The following IL6R variants were observed in gnomAD, a reference collection of about 807,000 sequenced individuals.
IL6R encodes interleukin-6 receptor subunit alpha.
In IL6R, 38 loss-of-function variants were observed where a neutral mutation model predicts 48.3. The observed-to-expected ratio is 0.79, with a 90% CI of 0.61 to 1.03. The LOEUF (loss-of-function observed/expected upper bound fraction) is 1.03. IL6R is among the 50% of genes least tolerant of loss of function. The probability of loss-of-function intolerance (pLI) is 0.00; values close to 1 mark genes in which losing one functional copy is unlikely to be tolerated. For synonymous variants in IL6R, 264 were observed against 256.2 expected (o/e 1.03, Z -0.29); for missense variants, 534 against 618.3 (o/e 0.86, Z 1.45).
At chr1:154,440,525 A>T (rs1297360156) in intron 6 of IL6R, among the ~76,000 whole-genome samples, 1 of 152,236 alleles carries the variant, frequency 6.6e-6, no homozygotes, top group Non-Finnish European at 1.5e-5. Flanking sequence ...ACCAGAGTGT[A>T]TAAGGGTTCC....
intron 6 of IL6R, among the ~76,000 whole-genome samples, chr1:154,439,817 C>G (rs1455731883): frequency 6.6e-6 from 1 of 152,198 alleles, no homozygotes; most frequent in East Asian, 1.9e-4. Context: ...TTTGACTACT[C>G]TAGTACTTCA....
chr1:154,405,529 G>GGCCCCCCCCC lies in IL6R; in HGVS notation c.-101_-100insGCCCCCCCCC. The GGCCCCCCCCC allele has an allele frequency of 2.6e-6, 1 of 388,508 alleles. No homozygotes were observed. Among genetic ancestry groups the GGCCCCCCCCC allele is most frequent in the Non-Finnish European group, 4.7e-6 (1 of 214,592 alleles). 24.1% of individuals were successfully genotyped at this position (388,508 alleles called of 1,614,324 possible). A position where few individuals can be genotyped will look rare whatever the true frequency, so the allele number is the denominator to read the frequency against. ...CTGCCCCCGGGGCCTGAGCCCGCCT[G>GGCCCCCCCCC]CCCGCCCACCGCCCCGCCCCGCCCC... On this transcript the variant is annotated 5_prime_UTR_variant, in exon 1 of 10. Transcript: ENST00000368485. This position sits in a 1 kb window ranked among gnomAD's most constrained non-coding sequence, Gnocchi z 5.2.
intron 9 of IL6R, among the ~76,000 whole-genome samples, chr1:154,457,220 G>A (rs1690933717): frequency 6.6e-6 from 1 of 150,826 alleles, no homozygotes; most frequent in Non-Finnish European, 1.5e-5. Context: ...CTACTTGGGA[G>A]GCTGAAGCAG....
chr1:154,421,355 C>T (rs776844687), intron 1 of IL6R, among the ~76,000 whole-genome samples: 19 of 152,204 alleles, frequency 1.2e-4, no homozygotes, highest in South Asian at 6.2e-4. Context: ...CCCATCCCAC[C>T]GCCTGGGTTT....
chr1:154,425,281 C>G (rs1398525052), intron 1 of IL6R, among the ~76,000 whole-genome samples: 1 of 152,136 alleles, frequency 6.6e-6, no homozygotes, highest in Non-Finnish European at 1.5e-5. Context: ...AGGTCACACA[C>G]GCCAACACCA....
At chr1:154,448,551 A>G (rs1318521680) in intron 7 of IL6R, among the ~76,000 whole-genome samples, 1 of 152,214 alleles carries the variant, frequency 6.6e-6, no homozygotes, top group Non-Finnish European at 1.5e-5. Context: ...GCTGCTTAAC[A>G]AATTCCTTGA....
Position 154,435,211 on chromosome 1 carries a change from G to A in IL6R, c.807+55G>A, listed in dbSNP as rs1031092584. The A allele has an allele frequency of 1.7e-5, 26 of 1,552,254 alleles. No individual in the cohort carries two copies. In the East Asian group the frequency reaches 5.6e-4, roughly 34 times the overall value. Reference sequence around the variant, plus strand: ...AGGCGCCCCTAGATGCTTAGGCGTAGTAGAAAGGGTACTAGAGGCCAGGCA... The same window carrying A: ...AGGCGCCCCTAGATGCTTAGGCGTAATAGAAAGGGTACTAGAGGCCAGGCA... On this transcript the variant is annotated intron_variant, in intron 5 of 9. Coordinates refer to ENST00000368485, the MANE Select transcript of IL6R (RefSeq NM_000565.4).
chr1:154,418,369 C>G (rs1401032767), intron 1 of IL6R: 10 of 982,620 alleles, frequency 1.0e-5, no homozygotes, highest in Non-Finnish European at 1.2e-5. Context: ...AGGAGCCTCC[C>G]TCCCAGACCC....
At chr1:154,429,083 A>G (rs2149234986) in intron 1 of IL6R, 113 bp from the exon 2 acceptor site, 1 of 1,202,638 alleles carries the variant, frequency 8.3e-7, no homozygotes, top group South Asian at 1.4e-5. Context: ...AGGTGACGGT[A>G]GCCTGGGCCA....
intron 8 of IL6R, among the ~76,000 whole-genome samples, chr1:154,451,059 C>A (rs1570994665): frequency 1.3e-5 from 2 of 152,134 alleles, no homozygotes; most frequent in South Asian, 4.1e-4. Context: ...GTGACAAAGA[C>A]CAGCATGTGA....
At chr1:154,452,901 A>G (rs1162848277) in intron 8 of IL6R, among the ~76,000 whole-genome samples, 2 of 150,324 alleles carry the variant, frequency 1.3e-5, no homozygotes, top group African/African-American at 4.9e-5. Flanking sequence ...TATTTGTTGG[A>G]TGAAAGAAGG....
chr1:154,424,846 G>A (rs1374515224), intron 1 of IL6R, among the ~76,000 whole-genome samples: 1 of 152,114 alleles, frequency 6.6e-6, no homozygotes, highest in Admixed American at 6.5e-5. Flanking sequence ...AAGAAGGAAG[G>A]GCTTCATTCG....
chr1:154,437,501 C>T (rs1214480638), intron 6 of IL6R: 1 of 447,168 alleles, frequency 2.2e-6, no homozygotes, highest in South Asian at 1.6e-5. Context: ...GCAACTTCTG[C>T]CTCCTGGGTT....
intron 6 of IL6R, chr1:154,444,937 C>A (rs1690134084): frequency 2.5e-6 from 1 of 401,238 alleles, no homozygotes. Flanking sequence ...CCCCCCACAC[C>A]CGCCCCCCCC....
intron 1 of IL6R, among the ~76,000 whole-genome samples, chr1:154,420,600 C>A (rs1235841317): frequency 6.6e-6 from 1 of 151,582 alleles, no homozygotes; most frequent in East Asian, 1.9e-4. Context: ...CTCACTGCAG[C>A]CTTCGACTCA....
intron 1 of IL6R, among the ~76,000 whole-genome samples, chr1:154,420,824 C>A (rs1204840070): frequency 6.6e-6 from 1 of 152,140 alleles, no homozygotes; most frequent in East Asian, 1.9e-4. Context: ...GCGTGAGCCA[C>A]TGCACCCTAC....
rs1571026995 is a variant in IL6R, at chr1:154,467,669, G to A, written c.*2289G>A. On this transcript the variant is annotated 3_prime_UTR_variant, in exon 10 of 10. Coordinates refer to ENST00000368485, the MANE Select transcript of IL6R (RefSeq NM_000565.4). ...TAATCCTAGCACTTTGGGAGGCCAA[G>A]GTGGGAGGATTGCTTGAGCTCAGGA... is the stretch of plus-strand genomic sequence containing the variant. The A allele has an allele frequency of 6.6e-6, 1 of 152,254 alleles. No homozygotes were observed. The highest frequency in any genetic ancestry group is 1.9e-4 in the East Asian group (1 of 5,196). 9.4% of individuals were successfully genotyped at this position (152,254 alleles called of 1,614,324 possible).
intron 7 of IL6R, among the ~76,000 whole-genome samples, chr1:154,448,870 A>T (rs964743941): frequency 1.6e-5 from 2 of 124,758 alleles, no homozygotes; most frequent in African/African-American, 5.6e-5. Context: ...GAGTGCTTGT[A>T]AGGGCTTTTT....
intron 3 of IL6R, among the ~76,000 whole-genome samples, 177 bp from the exon 4 acceptor site, chr1:154,434,341 TA>T (rs1337227691): frequency 2.0e-5 from 3 of 151,996 alleles, no homozygotes; most frequent in Non-Finnish European, 4.4e-5. Context: ...ACTTAACCCC[TA>T]CTAGGTAAGT....
Sources: gnomAD v4.1 joint callset for allele counts (sites outside exome capture counted in the v4.1 genomes callset) on GRCh38, gnomAD v4.1.1 for gene constraint, Gnocchi (gnomAD v3.1) non-coding constraint, MANE v1.5 for transcripts, NCBI Gene and HGNC (gene_info 2026-07-23, HGNC 2026-07-21) for gene names.